Variants in MSH3 observed in about 807,000 individuals in gnomAD.
The protein encoded by MSH3 is DNA mismatch repair protein Msh3.
MSH3 carries 106 observed loss-of-function variants against 123.3 expected under a neutral mutation model. That is an observed-to-expected ratio of 0.86 (90% CI 0.73 to 1.01). The LOEUF is 1.01. MSH3 is among the 50% of genes least tolerant of loss of function. MSH3 has a pLI of 0.00. For synonymous variants in MSH3, 515 were observed against 481.4 expected, an observed-to-expected ratio of 1.07 and a Z score of -0.91; for missense variants, 1,459 against 1,347.6, an observed-to-expected ratio of 1.08 and a Z score of -1.29.
At chr5:80,726,656 G>A (rs766396852) in intron 9 of MSH3, among the ~76,000 whole-genome samples, 1 of 151,892 alleles carries the variant, frequency 6.6e-6, no homozygotes, top group Non-Finnish European at 1.5e-5. Flanking sequence ...TTTTGTAGAG[G>A]TGGGGTTTTG....
chr5:80,729,430 A>AAATGTGTGTGTG (rs1491210653), intron 10 of MSH3, among the ~76,000 whole-genome samples: 22 of 78,344 alleles, frequency 2.8e-4, no homozygotes, highest in African/African-American at 1.2e-3. Context: ...AAAAAAAAAA[A>AAATGTGTGTGTG]TGTGTGTGTG....
chr5:80,718,937 C>T (rs1291383526), intron 8 of MSH3, among the ~76,000 whole-genome samples: 2 of 152,038 alleles, frequency 1.3e-5, no homozygotes, highest in African/African-American at 4.8e-5. Flanking sequence ...TCTTTAGTAG[C>T]TTTTTTGTGT....
intron 21 of MSH3, 48 bp downstream of exon 21, chr5:80,854,364 A>T (rs1398774227): frequency 6.6e-7 from 1 of 1,522,724 alleles, no homozygotes; most frequent in Admixed American, 1.7e-5. Flanking sequence ...TTTGTAAATT[A>T]TTATTTTTAA....
intron 19 of MSH3, among the ~76,000 whole-genome samples, chr5:80,807,539 C>T (rs570579444): frequency 3.2e-4 from 48 of 152,198 alleles, no homozygotes; most frequent in Non-Finnish European, 1.3e-4. Context: ...AGAAGTACCT[C>T]CTACTACCAT....
At chr5:80,729,340 A>G (rs948372775) in intron 10 of MSH3, among the ~76,000 whole-genome samples, 4 of 146,856 alleles carry the variant, frequency 2.7e-5, no homozygotes, top group Admixed American at 1.4e-4. Context: ...GCGTGAACCC[A>G]GGGAGGTGGA....
chr5:80,846,903 C>T (rs1459619652), intron 20 of MSH3, among the ~76,000 whole-genome samples: 1 of 152,196 alleles, frequency 6.6e-6, no homozygotes, highest in Non-Finnish European at 1.5e-5. Flanking sequence ...TGTTTCAGCT[C>T]ACCGTCCATA....
chr5:80,688,883 T>C (rs1222451024), intron 8 of MSH3, among the ~76,000 whole-genome samples: 1 of 152,190 alleles, frequency 6.6e-6, no homozygotes, highest in Non-Finnish European at 1.5e-5. Flanking sequence ...ATTGCAGTGT[T>C]ACAGTTCTAT....
At chr5:80,756,431 C>G (rs1414375834) in intron 12 of MSH3, among the ~76,000 whole-genome samples, 16 of 152,128 alleles carry the variant, frequency 1.1e-4, no homozygotes, top group African/African-American at 9.7e-5. Context: ...TGACACTGTT[C>G]TTATGTGCAT....
intron 9 of MSH3, among the ~76,000 whole-genome samples, 200 bp downstream of exon 9, chr5:80,725,765 G>A (rs1176859782): frequency 2.6e-5 from 4 of 152,094 alleles, no homozygotes; most frequent in African/African-American, 9.7e-5. Flanking sequence ...GGGGAGGATC[G>A]CCTGAGCCCA....
intron 5 of MSH3, 72 bp downstream of exon 5, chr5:80,672,432 A>G (rs1168024819): frequency 8.7e-7 from 1 of 1,144,192 alleles, no homozygotes; most frequent in Non-Finnish European, 1.3e-6. Context: ...CGTGTTTTGT[A>G]AGGTGGTAGG....
intron 6 of MSH3, among the ~76,000 whole-genome samples, chr5:80,673,504 G>T (rs1749767898): frequency 6.6e-6 from 1 of 152,150 alleles, no homozygotes. Flanking sequence ...ATTCCAGCCT[G>T]GGTGACAGGA....
chr5:80,699,711 T>C (rs1399936921), intron 8 of MSH3, among the ~76,000 whole-genome samples: 1 of 152,228 alleles, frequency 6.6e-6, no homozygotes, highest in East Asian at 1.9e-4. Flanking sequence ...TATTGATTTC[T>C]TATCGTTTTT....
Position 80,761,685 on chromosome 5 carries a change from G to A in MSH3, c.1896+7G>A, listed in dbSNP as rs2112880101. ...TAGCATTTATCACAAAAAAGTAAGTGTGATAGAAATCTATTAAAGCTGACA... is the reference window on the plus strand; with the variant it reads ...TAGCATTTATCACAAAAAAGTAAGTATGATAGAAATCTATTAAAGCTGACA... On this transcript the variant is annotated splice_region_variant and intron_variant, in intron 13 of 23. Transcript: ENST00000265081. 6.2e-7 allele frequency: 1 copy of A among 1,613,988 alleles called. No individual in the cohort carries two copies. The highest frequency in any genetic ancestry group is 2.2e-5 in the East Asian group (1 of 44,846).
At chr5:80,742,494 A>T (rs1246150380) in intron 11 of MSH3, among the ~76,000 whole-genome samples, 1 of 152,252 alleles carries the variant, frequency 6.6e-6, no homozygotes, top group Non-Finnish European at 1.5e-5. Context: ...CATTTGATTA[A>T]GTACTGGAGA....
At position 80,798,528 on chromosome 5, in the gene MSH3, A is replaced by G. The variant is rs138068554; in HGVS notation, c.2655+5684A>G. Among the ~76,000 whole-genome samples the G allele has an allele frequency of 2.7e-3, 411 of 152,298 alleles. 3 individuals are homozygous for G. Among genetic ancestry groups the G allele is most frequent in the African/African-American group, 9.5e-3 (394 of 41,558 alleles). On this transcript the variant is annotated intron_variant, in intron 19 of 23. Transcript: ENST00000265081. ...ACCAAGTGGAACAGTAATAATACAT[A>G]CCATAAAATATGTCTGAGCTTTAAG...
intron 14 of MSH3, 40 bp from the exon 15 acceptor site, chr5:80,768,795 A>C: frequency 6.6e-7 from 1 of 1,519,762 alleles, no homozygotes; most frequent in Non-Finnish European, 9.1e-7. Flanking sequence ...GCTGTAATTA[A>C]TAAACTTCGA....
chr5:80,772,405 G>GT (rs1744228355), intron 15 of MSH3, among the ~76,000 whole-genome samples: 1 of 152,158 alleles, frequency 6.6e-6, no homozygotes, highest in Non-Finnish European at 1.5e-5. Flanking sequence ...GAAAACAGCA[G>GT]TTTCTGGAGT....
chr5:80,666,922 T>TGG (rs1178106320), intron 3 of MSH3, among the ~76,000 whole-genome samples: 1 of 152,244 alleles, frequency 6.6e-6, no homozygotes, highest in Non-Finnish European at 1.5e-5. Flanking sequence ...ATACTGTCTC[T>TGG]GGGAATATGA....
chr5:80,691,598 T>C (rs1750252862), intron 8 of MSH3, among the ~76,000 whole-genome samples: 1 of 150,696 alleles, frequency 6.6e-6, no homozygotes, highest in Non-Finnish European at 1.5e-5. Context: ...TTCAGTGCAA[T>C]TCTAATCAAA....
Sources: gnomAD v4.1 joint callset for allele counts (sites outside exome capture counted in the v4.1 genomes callset) on GRCh38, gnomAD v4.1.1 for gene constraint, MANE v1.5 for transcripts, NCBI Gene and HGNC (gene_info 2026-07-23, HGNC 2026-07-21) for gene names.